The following PAK5 variants were observed in gnomAD, a reference collection of about 807,000 sequenced individuals.
PAK5 encodes serine/threonine-protein kinase PAK 5.
In PAK5, 16 loss-of-function variants were observed where a neutral mutation model predicts 65.9. The ratio of observed to expected loss-of-function variants is 0.24; its 90% CI spans 0.16 to 0.37. PAK5 has a LOEUF of 0.37. Ranked by LOEUF, PAK5 falls within the 10% of genes least tolerant of loss-of-function variation. The pLI, the probability that PAK5 is intolerant of heterozygous loss-of-function variation, is 1.00. For missense variants in PAK5, 785 were observed against 903.9 expected, an observed-to-expected ratio of 0.87 and a Z score of 1.69; for synonymous variants, 371 against 354.9, an observed-to-expected ratio of 1.05 and a Z score of -0.51.
intron 1 of PAK5, among the ~76,000 whole-genome samples, chr20:9,825,466 G>A (rs1442473402): frequency 6.6e-6 from 1 of 152,094 alleles, no homozygotes; most frequent in Non-Finnish European, 1.5e-5. Flanking sequence ...CATTGTGAAA[G>A]TTTTATATTT....
chr20:9,772,737 T>G (rs114078471), intron 1 of PAK5, among the ~76,000 whole-genome samples: 1 of 152,188 alleles, frequency 6.6e-6, no homozygotes, highest in African/African-American at 2.4e-5. Flanking sequence ...ATGTTGTCAG[T>G]GCCATGCATA....
chr20:9,807,116 C>G (rs1260497401), intron 1 of PAK5, among the ~76,000 whole-genome samples: 1 of 152,118 alleles, frequency 6.6e-6, no homozygotes, highest in African/African-American at 2.4e-5. Flanking sequence ...TGGGCCTACT[C>G]AGTTAATATA....
chr20:9,622,009 C>T (rs994197111), intron 3 of PAK5, among the ~76,000 whole-genome samples: 11 of 152,160 alleles, frequency 7.2e-5, no homozygotes, highest in African/African-American at 2.4e-4. Flanking sequence ...TGAGACATCT[C>T]CCTCAGTAAG....
At chr20:9,659,338 A>G (rs2047312832) in intron 2 of PAK5, among the ~76,000 whole-genome samples, 1 of 152,200 alleles carries the variant, frequency 6.6e-6, no homozygotes, top group African/African-American at 2.4e-5. Context: ...GATTGGTCAG[A>G]TGGGTCACAC....
rs375149818 is a variant in PAK5, at chr20:9,737,485, C to A, written c.-161-26050G>T. Among the ~76,000 whole-genome samples, 181 of 152,080 alleles carry A rather than the reference C, an allele frequency of 1.2e-3. 2 individuals are homozygous for A. Among genetic ancestry groups the A allele is most frequent in the African/African-American group, 3.9e-3 (162 of 41,500 alleles). On this transcript the variant is annotated intron_variant, in intron 1 of 9. Coordinates refer to ENST00000353224, the MANE Select transcript of PAK5 (RefSeq NM_177990.4). The stretch of plus-strand genomic sequence containing the variant: ...TGCCTAAAAACAGAGTTTCAAAATA[C>A]ATAAAGCAAAAGCTGACAGAACTAC...
intron 3 of PAK5, among the ~76,000 whole-genome samples, chr20:9,637,611 A>G (rs2046998774): frequency 6.6e-6 from 1 of 152,174 alleles, no homozygotes; most frequent in Admixed American, 6.5e-5. Flanking sequence ...AGAGAAATGG[A>G]TAAATTGAAA....
intron 3 of PAK5, among the ~76,000 whole-genome samples, chr20:9,615,728 T>G (rs2046643765): frequency 6.6e-6 from 1 of 152,244 alleles, no homozygotes; most frequent in African/African-American, 2.4e-5. Context: ...GAAGGGCATC[T>G]GCTGGGCAGT....
At chr20:9,709,673 G>A (rs1045962487) in intron 2 of PAK5, among the ~76,000 whole-genome samples, 1 of 152,126 alleles carries the variant, frequency 6.6e-6, no homozygotes, top group Non-Finnish European at 1.5e-5. Flanking sequence ...GAGGAAGGAA[G>A]AATTCCTACA....
intron 3 of PAK5, among the ~76,000 whole-genome samples, chr20:9,595,164 C>A (rs183350788): frequency 1.3e-5 from 2 of 151,344 alleles, no homozygotes; most frequent in African/African-American, 4.9e-5. Flanking sequence ...AAAAATCTAG[C>A]CCCTAAACTT....
rs2045954991 is a variant in PAK5 at position 9,580,305 on chromosome 20, C to T, written c.830G>A (p.Ser277Asn). Residue 277 changes from serine to asparagine, a missense_variant, in exon 4 of 10, where the codon AGC (serine) becomes AAC (asparagine). Ser to Asn is a conservative substitution (Grantham distance 46). Coordinates refer to ENST00000353224, the MANE Select transcript of PAK5 (RefSeq NM_177990.4). ...RPKSSYLNQT[S>N]PQPTMRQRSR... is the part of the protein sequence containing the mutation. Reference sequence around the variant, plus strand: ...CCTCTGCCGCATGGTGGGCTGAGGGCTTGTCTGATTCAGGTACGAAGACTT... The same window carrying T: ...CCTCTGCCGCATGGTGGGCTGAGGGTTTGTCTGATTCAGGTACGAAGACTT... 7 of 1,614,118 alleles carry T rather than the reference C, an allele frequency of 4.3e-6. No homozygotes were observed. The highest frequency in any genetic ancestry group is 5.9e-6 in the Non-Finnish European group (7 of 1,180,036).
intron 3 of PAK5, among the ~76,000 whole-genome samples, chr20:9,636,028 T>A (rs1054430239): frequency 6.6e-6 from 1 of 152,184 alleles, no homozygotes; most frequent in African/African-American, 2.4e-5. Context: ...CCTTCTGGCT[T>A]AATTCTGACC....
At chr20:9,804,045 G>A (rs1410851696) in intron 1 of PAK5, among the ~76,000 whole-genome samples, 1 of 152,140 alleles carries the variant, frequency 6.6e-6, no homozygotes, top group Non-Finnish European at 1.5e-5. Flanking sequence ...AGACCTTCTA[G>A]CCCTTTGCCA....
chr20:9,810,160 T>G (rs1053504430), intron 1 of PAK5, among the ~76,000 whole-genome samples: 2 of 152,168 alleles, frequency 1.3e-5, no homozygotes, highest in African/African-American at 4.8e-5. Context: ...CAGCACTACA[T>G]ACCAGATCAA....
intron 1 of PAK5, among the ~76,000 whole-genome samples, chr20:9,759,180 G>A (rs866877158): frequency 6.6e-6 from 1 of 152,014 alleles, no homozygotes; most frequent in African/African-American, 2.4e-5. Flanking sequence ...TAATTGAAAG[G>A]GTAGCAAGTT....
At chr20:9,689,348 C>T (rs986491518) in intron 2 of PAK5, among the ~76,000 whole-genome samples, 3 of 152,166 alleles carry the variant, frequency 2.0e-5, no homozygotes, top group Middle Eastern at 3.2e-3. Flanking sequence ...GTCTACTCAG[C>T]CAAATACCAA....
chr20:9,580,188 T>A lies in PAK5; in HGVS notation c.947A>T (p.Tyr316Phe). 1 of 1,614,070 alleles carries A rather than the reference T, an allele frequency of 6.2e-7. No individual in the cohort carries two copies. Among genetic ancestry groups the A allele is most frequent in the Non-Finnish European group, 8.5e-7 (1 of 1,179,964 alleles). ...GGGCTCGGACAAGCGAGGGTAGGTGTAGGAGTTGTAGGAGTGTCCTTGGGG... is the reference window on the plus strand; with the variant it reads ...GGGCTCGGACAAGCGAGGGTAGGTGAAGGAGTTGTAGGAGTGTCCTTGGGG... Reference protein sequence around the residue: ...THPQGHSYNSYTYPRLSEPTM... With the variant: ...THPQGHSYNSFTYPRLSEPTM... The change falls in exon 4 of 10, where the codon TAC becomes TTC. Residue 316 changes from tyrosine to phenylalanine, a missense_variant. By Grantham distance (22) the Tyr-to-Phe change is conservative. Around this residue, in one of 4 missense-constraint regions of PAK5, gnomAD observed 422 missense variants for 413.3 expected, o/e 1.02. Transcript: ENST00000353224.
Position 9,723,199 on chromosome 20 carries a change from A to G in PAK5, c.-161-11764T>C, listed in dbSNP as rs557719066. ...ACTGAAAGTGGGAATATTAGTTAAG[A>G]GGCTATCAAGTTTGCACAGGTGAAG... On this transcript the variant is annotated intron_variant, in intron 1 of 9. Transcript: ENST00000353224. Among the ~76,000 whole-genome samples, 25 of 152,312 alleles carry G rather than the reference A, an allele frequency of 1.6e-4. No individual in the cohort carries two copies. In the East Asian group the frequency reaches 3.1e-3, roughly 19 times the overall value.
chr20:9,596,364 C>T (rs1266145854), intron 3 of PAK5, among the ~76,000 whole-genome samples: 3 of 152,110 alleles, frequency 2.0e-5, no homozygotes, highest in Non-Finnish European at 4.4e-5. Context: ...AGGCCAGGCA[C>T]GGAGGCTCAC....
intron 4 of PAK5, among the ~76,000 whole-genome samples, chr20:9,572,668 C>T (rs1307498040): frequency 6.6e-6 from 1 of 152,220 alleles, no homozygotes; most frequent in Non-Finnish European, 1.5e-5. Flanking sequence ...CAGCATATCT[C>T]TCATCACCCA....
Sources: gnomAD v4.1 joint callset for allele counts (sites outside exome capture counted in the v4.1 genomes callset) on GRCh38, gnomAD v4.1.1 for gene constraint, gnomAD v4.1.1 regional missense constraint, MANE v1.5 for transcripts, NCBI Gene and HGNC (gene_info 2026-07-23, HGNC 2026-07-21) for gene names.